The following SLC35D2 variants were observed in gnomAD, a reference collection of about 807,000 sequenced individuals.
SLC35D2 encodes solute carrier family 35 member D2, also known as nucleotide sugar transporter SLC35D2.
SLC35D2 carries 43 observed loss-of-function variants against 41.8 expected under a neutral mutation model. The ratio of observed to expected loss-of-function variants is 1.03; its 90% CI spans 0.81 to 1.33. The LOEUF is 1.33. SLC35D2 is among the 40% of genes most tolerant of loss of function. SLC35D2 has a pLI of 0.00. For synonymous variants in SLC35D2, 150 were observed against 163.9 expected (o/e 0.92, Z 0.65); for missense variants, 380 against 408.4 (o/e 0.93, Z 0.60).
intron 1 of SLC35D2, among the ~76,000 whole-genome samples, chr9:96,375,500 C>A (rs1413806741): frequency 6.6e-6 from 1 of 151,250 alleles, no homozygotes; most frequent in African/African-American, 2.4e-5. Context: ...ATCACTTGAA[C>A]CCAGGAGATG....
At position 96,383,625 on chromosome 9, in the gene SLC35D2, C is replaced by G; in HGVS notation, c.10G>C (p.Gly4Arg). 8.7e-7 allele frequency: 1 copy of G among 1,151,194 alleles called. No homozygotes were observed. Among genetic ancestry groups the G allele is most frequent in the Non-Finnish European group, 1.1e-6 (1 of 941,662 alleles). The allele number at this position is 1,151,194 out of a possible 1,614,324, so 71.3% of individuals were successfully genotyped here. Residue 4 changes from glycine to arginine, a missense_variant, in exon 1 of 12, where the codon GGC becomes CGC. Transcript: ENST00000253270. Reference sequence around the variant, plus strand: ...GCGCCCTCGGCCTCGGCCTGGCCGCCGGCCGTCATCTCCTGCGGCCCCGCG... The same window carrying G: ...GCGCCCTCGGCCTCGGCCTGGCCGCGGGCCGTCATCTCCTGCGGCCCCGCG... The part of the protein sequence containing the change: MTA[G>R]GQAEAEGAGG...
At chr9:96,328,650 T>G (rs918365934) in intron 9 of SLC35D2, among the ~76,000 whole-genome samples, 1 of 147,634 alleles carries the variant, frequency 6.8e-6, no homozygotes, top group Admixed American at 7.1e-5. Context: ...ATTGTGGCAG[T>G]CACAAACAGA....
At chr9:96,341,292 TATAAA>T (rs995862450) in intron 8 of SLC35D2, among the ~76,000 whole-genome samples, 1 of 152,004 alleles carries the variant, frequency 6.6e-6, no homozygotes, top group African/African-American at 2.4e-5. Context: ...GTCTCAAAAA[TATAAA>T]ATAAAATAAA....
At chr9:96,368,419 T>C in intron 1 of SLC35D2, 114 bp from the exon 2 acceptor site, 1 of 859,956 alleles carries the variant, frequency 1.2e-6, no homozygotes, top group East Asian at 2.8e-5. Context: ...ATTTATCAAA[T>C]TGTTCACTTT....
chr9:96,322,653 G>T (rs1564082331), intron 10 of SLC35D2, among the ~76,000 whole-genome samples: 3 of 151,772 alleles, frequency 2.0e-5, no homozygotes. Flanking sequence ...AGGAAGAGTG[G>T]GGCTGTCATC....
At chr9:96,368,246 G>A (rs1830550291) in intron 2 of SLC35D2, 26 bp downstream of exon 2, 2 of 1,567,612 alleles carry the variant, frequency 1.3e-6, no homozygotes, top group Admixed American at 1.7e-5. Context: ...CAAAATAAGA[G>A]GTTAATTCTA....
intron 11 of SLC35D2, 144 bp from the exon 12 acceptor site, chr9:96,321,485 T>A (rs1261262567): frequency 3.2e-6 from 2 of 627,848 alleles, no homozygotes; most frequent in East Asian, 5.5e-5. Context: ...GTTTGTGGAT[T>A]GCTTGATGAG....
chr9:96,364,509 G>A lies in SLC35D2; in HGVS notation c.234C>T (p.Asn78=). Residue 78 remains asparagine (N), a synonymous_variant, in exon 3 of 12, where the codon AAC becomes AAT. Coordinates refer to ENST00000253270, the MANE Select transcript of SLC35D2 (RefSeq NM_007001.3). The part of the protein sequence containing the change: ...TIMILYVSKL[N]KIIHFPDFDK... ...CAAAATCAGGGAAGTGAATGATTTTGTTTAGCTTGGACACATATAGTATCA... is the reference window on the plus strand; with the variant it reads ...CAAAATCAGGGAAGTGAATGATTTTATTTAGCTTGGACACATATAGTATCA... 6.2e-7 allele frequency: 1 copy of A among 1,607,906 alleles called. No homozygotes were observed. The highest frequency in any genetic ancestry group is 1.1e-5 in the South Asian group (1 of 90,810).
At chr9:96,367,603 C>T (rs1293242296) in intron 2 of SLC35D2, among the ~76,000 whole-genome samples, 6 of 151,836 alleles carry the variant, frequency 4.0e-5, no homozygotes, top group Admixed American at 3.3e-4. Flanking sequence ...GCTAACATGG[C>T]GAAACCCCGT....
At chr9:96,321,958 T>C (rs754417061) in intron 11 of SLC35D2, 40 bp downstream of exon 11, 6 of 1,186,210 alleles carry the variant, frequency 5.1e-6, no homozygotes, top group Non-Finnish European at 7.5e-6. Flanking sequence ...TTTAAGGTTC[T>C]TGTCTTCCCA....
chr9:96,383,455 C>T (rs1002980872), intron 1 of SLC35D2, 22 bp downstream of exon 1: 32 of 1,517,386 alleles, frequency 2.1e-5, no homozygotes, highest in Non-Finnish European at 2.8e-5. Flanking sequence ...CGCAGACCCC[C>T]CGGCCCCGGG....
chr9:96,341,430 G>A (rs1829321188), intron 8 of SLC35D2, among the ~76,000 whole-genome samples: 1 of 152,212 alleles, frequency 6.6e-6, no homozygotes, highest in Non-Finnish European at 1.5e-5. Flanking sequence ...GACAGTGGAG[G>A]ATGTGTTTCT....
intron 9 of SLC35D2, 150 bp downstream of exon 9, chr9:96,336,567 C>T: frequency 1.7e-6 from 1 of 590,030 alleles, no homozygotes; most frequent in South Asian, 2.6e-5. Flanking sequence ...TATCCTGGGT[C>T]CCTGACACCT....
At chr9:96,365,276 G>C (rs894301594) in intron 2 of SLC35D2, among the ~76,000 whole-genome samples, 4 of 151,644 alleles carry the variant, frequency 2.6e-5, no homozygotes, top group African/African-American at 7.3e-5. Context: ...CCTGAGCCCG[G>C]AAAGTCAAGG....
chr9:96,317,069 C>T (rs1828069633), downstream of SLC35D2, among the ~76,000 whole-genome samples: 1 of 151,020 alleles, frequency 6.6e-6, no homozygotes, highest in South Asian at 2.1e-4. Context: ...AACTGGAAGG[C>T]GGAGCTTGTA....
At chr9:96,328,245 C>G (rs770585989) in intron 9 of SLC35D2, among the ~76,000 whole-genome samples, 14 of 83,262 alleles carry the variant, frequency 1.7e-4, no homozygotes, top group Non-Finnish European at 3.0e-4. Flanking sequence ...TTTTACCATT[C>G]TATATTTTTT....
intron 8 of SLC35D2, among the ~76,000 whole-genome samples, chr9:96,337,475 C>T (rs1829098020): frequency 1.3e-5 from 2 of 152,026 alleles, no homozygotes; most frequent in South Asian, 4.2e-4. Flanking sequence ...GCCTTGGCCT[C>T]CCAAAGTACT....
intron 1 of SLC35D2, among the ~76,000 whole-genome samples, chr9:96,368,909 C>T (rs1451360304): frequency 2.6e-5 from 4 of 151,826 alleles, no homozygotes; most frequent in Admixed American, 6.6e-5. Flanking sequence ...GGACTATAGG[C>T]GCGCACCACC....
At chr9:96,361,218 C>T (rs1236298018) in intron 3 of SLC35D2, among the ~76,000 whole-genome samples, 1 of 152,206 alleles carries the variant, frequency 6.6e-6, no homozygotes, top group East Asian at 1.9e-4. Context: ...CTGATAGATA[C>T]ATTCCTCACT....
Sources: allele counts gnomAD v4.1 joint callset (sites outside exome capture counted in the v4.1 genomes callset), GRCh38; gene constraint gnomAD v4.1.1; transcripts MANE v1.5; gene names NCBI Gene and HGNC (gene_info 2026-07-23, HGNC 2026-07-21).